Variants in MYL6B observed in about 807,000 individuals in gnomAD.
MYL6B encodes the protein myosin light chain 6B, also known as myosin alkali light chain 1 slow a.
Under a neutral mutation model 24.5 loss-of-function variants are expected in MYL6B, and 19 were observed. The observed-to-expected ratio is 0.78, with a 90% CI of 0.54 to 1.14. MYL6B has a LOEUF of 1.14. Ranked by LOEUF, MYL6B falls within the 50% of genes most tolerant of loss-of-function variation. MYL6B has a pLI of 0.00. For missense variants in MYL6B, 230 were observed against 263.8 expected (o/e 0.87, Z 0.89); for synonymous variants, 90 against 100.7 (o/e 0.89, Z 0.64).
chr12:56,157,527 G>A (rs760691635), exon 6 of MYL6B: 3 of 1,613,220 alleles, frequency 1.9e-6, no homozygotes, highest in South Asian at 1.1e-5. Flanking sequence ...GGACAGCAAC[G>A]GCTGCATCAA....
At chr12:56,156,520 G>A (rs983806377) in intron 5 of MYL6B, among the ~76,000 whole-genome samples, 2 of 151,652 alleles carry the variant, frequency 1.3e-5, no homozygotes, top group Non-Finnish European at 2.9e-5. Flanking sequence ...CAGGAGAATC[G>A]CTTTAACCCG....
chr12:56,154,143 G>C (rs1422375151), intron 2 of MYL6B, 51 bp downstream of exon 2: 27 of 1,565,538 alleles, frequency 1.7e-5, no homozygotes, highest in Non-Finnish European at 2.3e-5. Context: ...TTTGAGGGTG[G>C]GATACAGCCT....
At chr12:56,157,309 G>T in intron 5 of MYL6B, 159 bp from the exon 6 acceptor site, 1 of 633,372 alleles carries the variant, frequency 1.6e-6, no homozygotes, top group East Asian at 2.9e-5. Flanking sequence ...GCGTGAACAC[G>T]GGAGGCGGAG....
intron 5 of MYL6B, chr12:56,156,176 C>A: frequency 3.9e-6 from 1 of 257,470 alleles, no homozygotes; most frequent in East Asian, 1.7e-4. Context: ...CATGGTGGCA[C>A]GCACCTATAA....
exon 2 of MYL6B, chr12:56,153,972 C>T: frequency 2.5e-6 from 4 of 1,614,088 alleles, no homozygotes; most frequent in Non-Finnish European, 3.4e-6. Flanking sequence ...CCTCCATCTC[C>T]AAACCTGCTG....
At chr12:56,157,906 C>T in exon 7 of MYL6B, 1 of 670,886 alleles carries the variant, frequency 1.5e-6, no homozygotes, top group Non-Finnish European at 2.5e-6. Context: ...GGACACTGGG[C>T]CCCGCAGGCG....
chr12:56,157,787 TTC>T (rs1871397368), exon 7 of MYL6B: 1 of 1,583,384 alleles, frequency 6.3e-7, no homozygotes, highest in Non-Finnish European at 8.6e-7. Context: ...TCTCCCGCCC[TTC>T]TCTCAGCCAA....
At chr12:56,154,815 C>T in exon 3 of MYL6B, 7 of 1,612,988 alleles carry the variant, frequency 4.3e-6, no homozygotes, top group Non-Finnish European at 5.9e-6. Flanking sequence ...TTCCACAGAT[C>T]GAGTTTAACA....
At position 56,156,748 on chromosome 12, in the gene MYL6B, T is replaced by TA. The variant is rs200621571; in HGVS notation, c.521-720_521-719insA. ...CAACGTAGTGAGATTCTATCTCTAT[T>TA]TAAAAAAAAAAAAAGTACAAGGCTG... On this transcript the variant is annotated intron_variant, in intron 5 of 6. Transcript: ENST00000553066. 4.2e-3 allele frequency among the ~76,000 whole-genome samples: 639 copies of TA among 150,358 alleles called. 8 individuals are homozygous for TA. Among genetic ancestry groups the TA allele is most frequent in the African/African-American group, 0.014 (582 of 40,662 alleles).
exon 7 of MYL6B, chr12:56,157,829 G>C (rs1871400466): frequency 4.2e-6 from 6 of 1,423,478 alleles, no homozygotes; most frequent in Admixed American, 1.9e-5. Flanking sequence ...TCATTCTGCT[G>C]TCCGGTTGCT....
exon 7 of MYL6B, chr12:56,157,844 G>C: frequency 7.8e-7 from 1 of 1,277,246 alleles, no homozygotes; most frequent in South Asian, 1.3e-5. Context: ...GTTGCTGCAC[G>C]GGCTCCAGCG....
At chr12:56,155,646 T>A in intron 5 of MYL6B, 54 bp downstream of exon 5, 5 of 1,609,062 alleles carry the variant, frequency 3.1e-6, no homozygotes, top group Non-Finnish European at 4.2e-6. Flanking sequence ...GGGGATGGGG[T>A]GGGCCAGAAA....
chr12:56,154,009 C>T (rs1592255832), exon 2 of MYL6B: 1 of 1,614,150 alleles, frequency 6.2e-7, no homozygotes, highest in East Asian at 2.2e-5. Context: ...AGGGGCTCCT[C>T]CAGCCAAGAC....
chr12:56,157,319 G>A (rs1871361341), intron 5 of MYL6B, 149 bp from the exon 6 acceptor site: 5 of 674,568 alleles, frequency 7.4e-6, no homozygotes, highest in South Asian at 5.7e-5. Context: ...GGGAGGCGGA[G>A]GTTGCAGTGA....
intron 6 of MYL6B, 25 bp downstream of exon 6, chr12:56,157,570 G>C: frequency 6.2e-7 from 1 of 1,613,480 alleles, no homozygotes; most frequent in Middle Eastern, 1.7e-4. Context: ...AAGCGGGAGC[G>C]GGGCCGAGGG....
exon 7 of MYL6B, chr12:56,157,829 G>A (rs1871400466): frequency 7.0e-7 from 1 of 1,423,594 alleles, no homozygotes; most frequent in Non-Finnish European, 9.6e-7. Context: ...TCATTCTGCT[G>A]TCCGGTTGCT....
At chr12:56,154,722 C>T (rs1871240316) in intron 2 of MYL6B, 91 bp from the exon 3 acceptor site, 14 of 1,476,774 alleles carry the variant, frequency 9.5e-6, no homozygotes, top group South Asian at 2.6e-5. Context: ...TTGGGCCCCT[C>T]CTCAGAAGTG....
At position 56,154,969 on chromosome 12, in the gene MYL6B, G is replaced by A. The variant is rs1871249390; in HGVS notation, c.203-86G>A. On this transcript the variant is annotated intron_variant, in intron 3 of 6. Coordinates refer to ENST00000553066, the Ensembl canonical transcript of MYL6B. ...TAGTCCTCTTTTCCTCCCTTGTTCTGTTCACATAGTTTCTGAAATTCCCTT... is the reference window on the plus strand; with the variant it reads ...TAGTCCTCTTTTCCTCCCTTGTTCTATTCACATAGTTTCTGAAATTCCCTT... 2.6e-6 allele frequency: 4 copies of A among 1,560,470 alleles called. No individual in the cohort carries two copies. The South Asian group carries it at 4.9e-5, about 19-fold the overall frequency.
intron 5 of MYL6B, 185 bp from the exon 6 acceptor site, chr12:56,157,283 G>A: frequency 5.2e-6 from 3 of 576,278 alleles, no homozygotes; most frequent in South Asian, 2.1e-5. Context: ...ACTCGGGAGG[G>A]TGAGGCAGGA....
Sources: gnomAD v4.1 joint callset for allele counts (sites outside exome capture counted in the v4.1 genomes callset) on GRCh38, gnomAD v4.1.1 for gene constraint, MANE v1.5 for transcripts, NCBI Gene and HGNC (gene_info 2026-07-23, HGNC 2026-07-21) for gene names.